LRP6: variants seen among roughly 807,000 people sequenced by gnomAD.
LRP6 encodes the protein LDL receptor related protein 6.
In LRP6, 43 loss-of-function variants were observed where a neutral mutation model predicts 184.1. That is an observed-to-expected ratio of 0.23 (90% CI 0.18 to 0.30). The LOEUF (loss-of-function observed/expected upper bound fraction) is 0.30. Ranked by LOEUF, LRP6 falls within the 10% of genes least tolerant of loss-of-function variation. LRP6 has a pLI of 1.00. For synonymous variants in LRP6, 719 were observed against 684.9 expected, an observed-to-expected ratio of 1.05 and a Z score of -0.78; for missense variants, 1,571 against 2,005.3, an observed-to-expected ratio of 0.78 and a Z score of 4.14.
At chr12:12,140,192 C>T (rs1177770058) in intron 15 of LRP6, among the ~76,000 whole-genome samples, 2 of 149,736 alleles carry the variant, frequency 1.3e-5, no homozygotes, top group African/African-American at 4.9e-5. Flanking sequence ...AAATAAATAC[C>T]AATTAAAAAA....
At chr12:12,154,739 CAA>C (rs1308086415) in intron 12 of LRP6, among the ~76,000 whole-genome samples, 1 of 152,006 alleles carries the variant, frequency 6.6e-6, no homozygotes, top group Admixed American at 6.5e-5. Context: ...CACTGAGTGA[CAA>C]GGAGAGCCTT....
At chr12:12,245,254 A>C (rs940648819) in intron 1 of LRP6, among the ~76,000 whole-genome samples, 1 of 152,248 alleles carries the variant, frequency 6.6e-6, no homozygotes, top group African/African-American at 2.4e-5. Flanking sequence ...ACAGAAAATA[A>C]TGAACCCTTT....
chr12:12,171,286 G>A (rs1288244323), intron 7 of LRP6, among the ~76,000 whole-genome samples: 2 of 152,168 alleles, frequency 1.3e-5, no homozygotes, highest in Non-Finnish European at 2.9e-5. Flanking sequence ...GGAGGCCAAG[G>A]AGGGCGGATC....
chr12:12,135,861 T>C (rs777194474), intron 16 of LRP6, among the ~76,000 whole-genome samples: 85 of 152,116 alleles, frequency 5.6e-4, no homozygotes, highest in Non-Finnish European at 1.1e-3. Context: ...TTTTTGTGAA[T>C]ATGAAGAAAT....
At position 12,266,915 on chromosome 12, in the gene LRP6, C is replaced by T. The variant is rs758595353; in HGVS notation, c.-180G>A. The T allele has an allele frequency of 1.6e-6, 1 of 635,608 alleles. No individual in the cohort carries two copies. Among genetic ancestry groups the T allele is most frequent in the African/African-American group, 1.9e-5 (1 of 53,678 alleles). 39.4% of individuals were successfully genotyped at this position (635,608 alleles called of 1,614,324 possible). A position where few individuals can be genotyped will look rare whatever the true frequency, so the allele number is the denominator to read the frequency against. On this transcript the variant is annotated 5_prime_UTR_variant, in exon 1 of 23. Transcript: ENST00000261349. ...CGCGCGCCGCCGCCGCCCTCTCTAC[C>T]GCGCCGCTCGGCCCCGGGCTCGCGC...
At chr12:12,199,174 T>G (rs1266370267) in intron 3 of LRP6, among the ~76,000 whole-genome samples, 1 of 152,032 alleles carries the variant, frequency 6.6e-6, no homozygotes, top group South Asian at 2.1e-4. Context: ...TGTTCAGTTA[T>G]ATACACTGAA....
chr12:12,131,097 A>ATTTTTTTTTTTTTT (rs35705276), intron 18 of LRP6, among the ~76,000 whole-genome samples: 2 of 78,200 alleles, frequency 2.6e-5, no homozygotes, highest in African/African-American at 8.0e-5. Flanking sequence ...ATTTCCTAAC[A>ATTTTTTTTTTTTTT]TTTTTTTTTT....
chr12:12,221,461 G>C (rs960259306), intron 2 of LRP6, among the ~76,000 whole-genome samples: 12 of 152,040 alleles, frequency 7.9e-5, no homozygotes, highest in Non-Finnish European at 1.5e-4. Flanking sequence ...CAAAATAACA[G>C]CATCAACAGC....
intron 2 of LRP6, among the ~76,000 whole-genome samples, chr12:12,238,114 T>C (rs1161876389): frequency 6.6e-6 from 1 of 151,644 alleles, no homozygotes; most frequent in Non-Finnish European, 1.5e-5. Context: ...AAGGAACTTC[T>C]AAAAAAATTA....
At chr12:12,230,306 T>C (rs1203098145) in intron 2 of LRP6, among the ~76,000 whole-genome samples, 1 of 152,252 alleles carries the variant, frequency 6.6e-6, no homozygotes, top group Non-Finnish European at 1.5e-5. Context: ...ATTTAATTTA[T>C]TTGATTAGGT....
At chr12:12,168,946 C>T (rs916539555) in intron 7 of LRP6, among the ~76,000 whole-genome samples, 3 of 152,002 alleles carry the variant, frequency 2.0e-5, no homozygotes, top group Non-Finnish European at 4.4e-5. Flanking sequence ...CAATAAAACA[C>T]GGCCAGGCGC....
At chr12:12,200,592 A>G (rs1356239186) in intron 3 of LRP6, among the ~76,000 whole-genome samples, 1 of 152,130 alleles carries the variant, frequency 6.6e-6, no homozygotes, top group East Asian at 1.9e-4. Flanking sequence ...TCCCCTCTGC[A>G]TACTGCTCCT....
intron 1 of LRP6, among the ~76,000 whole-genome samples, chr12:12,263,546 G>A (rs1349850847): frequency 6.8e-5 from 5 of 73,954 alleles, no homozygotes; most frequent in Admixed American, 1.7e-4. Flanking sequence ...GCAAGAATCC[G>A]TCTCAAAAAA....
At chr12:12,196,216 T>C (rs1863756433) in intron 3 of LRP6, among the ~76,000 whole-genome samples, 1 of 151,910 alleles carries the variant, frequency 6.6e-6, no homozygotes, top group Non-Finnish European at 1.5e-5. Flanking sequence ...TTTTTTTTTT[T>C]CTATTTCTGT....
At position 12,227,520 on chromosome 12, in the gene LRP6, G is replaced by C. The variant is rs550543844; in HGVS notation, c.449+16742C>G. Among the ~76,000 whole-genome samples the C allele has an allele frequency of 2.3e-4, 34 of 151,110 alleles. No individual in the cohort carries two copies. The South Asian group carries it at 7.1e-3, about 32-fold the overall frequency. On this transcript the variant is annotated intron_variant, in intron 2 of 22. Transcript: ENST00000261349. ...CCTCCCAGGTTCAAGCGATTTTCCTGCCTCAGTCTCCCGAGTAGCTGGGAT... is the reference window on the plus strand; with the variant it reads ...CCTCCCAGGTTCAAGCGATTTTCCTCCCTCAGTCTCCCGAGTAGCTGGGAT...
intron 2 of LRP6, among the ~76,000 whole-genome samples, chr12:12,210,355 T>C (rs1864176330): frequency 6.6e-6 from 1 of 152,156 alleles, no homozygotes; most frequent in Non-Finnish European, 1.5e-5. Flanking sequence ...TAATATGGAA[T>C]TAGATGTGGT....
intron 1 of LRP6, among the ~76,000 whole-genome samples, chr12:12,263,645 C>T (rs942528397): frequency 4.0e-5 from 6 of 151,404 alleles, no homozygotes; most frequent in African/African-American, 1.2e-4. Flanking sequence ...GAGTTTAAGA[C>T]CATCCTGGGC....
chr12:12,263,276 A>AAAAG (rs10633601), intron 1 of LRP6, among the ~76,000 whole-genome samples: 114,082 of 146,154 alleles, frequency 0.78, 44,501 homozygotes, highest in East Asian at 0.83. Flanking sequence ...TAAAAAAAAA[A>AAAAG]AAAGAATGTG....
chr12:12,241,529 T>G (rs989083239), intron 2 of LRP6, among the ~76,000 whole-genome samples: 1 of 152,158 alleles, frequency 6.6e-6, no homozygotes, highest in East Asian at 1.9e-4. Flanking sequence ...CAGATTCTAT[T>G]TGTTTCCAGT....
Sources: allele counts gnomAD v4.1 joint callset (sites outside exome capture counted in the v4.1 genomes callset), GRCh38; gene constraint gnomAD v4.1.1; transcripts MANE v1.5; gene names NCBI Gene and HGNC (gene_info 2026-07-23, HGNC 2026-07-21).